The following KCNK13 variants were observed in gnomAD, a reference collection of about 807,000 sequenced individuals.
KCNK13 encodes the protein potassium two pore domain channel subfamily K member 13.
In KCNK13, 12 loss-of-function variants were observed where a neutral mutation model predicts 23.4. The observed-to-expected ratio is 0.51, with a 90% CI of 0.33 to 0.83. The LOEUF is 0.83. KCNK13 is among the 40% of genes least tolerant of loss of function. KCNK13 has a pLI of 0.02. For synonymous variants in KCNK13, 231 were observed against 229.5 expected (o/e 1.01, Z -0.06); for missense variants, 463 against 556.3 (o/e 0.83, Z 1.69).
chr14:90,139,826 A>G (rs1889982684), intron 1 of KCNK13, among the ~76,000 whole-genome samples: 2 of 152,098 alleles, frequency 1.3e-5, no homozygotes, highest in Admixed American at 1.3e-4. Context: ...GCCGGGCGTC[A>G]TGGCACACGC....
intron 1 of KCNK13, among the ~76,000 whole-genome samples, chr14:90,174,682 C>T (rs1890403516): frequency 6.6e-6 from 1 of 152,016 alleles, no homozygotes; most frequent in African/African-American, 2.4e-5. Flanking sequence ...AGTGAGACTT[C>T]ATCTCTACAA....
intron 1 of KCNK13, among the ~76,000 whole-genome samples, chr14:90,098,343 G>C (rs1440437964): frequency 6.6e-6 from 1 of 152,204 alleles, no homozygotes. Context: ...GTGAAGTTAA[G>C]TTAAAGTTTT....
At chr14:90,143,666 C>A (rs559794364) in intron 1 of KCNK13, among the ~76,000 whole-genome samples, 2 of 152,228 alleles carry the variant, frequency 1.3e-5, no homozygotes, top group African/African-American at 4.8e-5. Flanking sequence ...AAGAACAATT[C>A]ATGAATCAAG....
intron 1 of KCNK13, among the ~76,000 whole-genome samples, chr14:90,098,875 C>T (rs1388640205): frequency 1.3e-5 from 2 of 152,068 alleles, no homozygotes; most frequent in Non-Finnish European, 1.5e-5. Context: ...ATCAGGAGTT[C>T]AAGACCAGCC....
chr14:90,068,942 G>C (rs1307470465), intron 1 of KCNK13, among the ~76,000 whole-genome samples: 2 of 151,824 alleles, frequency 1.3e-5, no homozygotes, highest in Non-Finnish European at 2.9e-5. Flanking sequence ...CTGAGAAGAT[G>C]ACCCGGCTCA....
In KCNK13 at chr14:90,117,591, C is replaced by CA. The variant is rs960331680; in HGVS notation, c.334+55062dup. Among the ~76,000 whole-genome samples, 1,276 of 147,992 alleles carry CA rather than the reference C, an allele frequency of 8.6e-3. 25 individuals are homozygous for CA. Among genetic ancestry groups the CA allele is most frequent in the African/African-American group, 0.03 (1,211 of 40,372 alleles). On this transcript the variant is annotated intron_variant, in intron 1 of 1. Transcript: ENST00000282146. ...GGCGAGACAGAGCGAGACTCTGTCT[C>CA]AAAAAAAAAATTAGGAATTGTTTAT...
intron 1 of KCNK13, among the ~76,000 whole-genome samples, chr14:90,117,253 TGA>T (rs1889687307): frequency 1.3e-5 from 2 of 152,056 alleles, no homozygotes; most frequent in Non-Finnish European, 2.9e-5. Context: ...AGTGGGACAG[TGA>T]GAGGTCTCAT....
intron 1 of KCNK13, chr14:90,107,662 G>A (rs746377270): frequency 2.8e-5 from 19 of 682,524 alleles, no homozygotes; most frequent in Admixed American, 8.2e-5. Context: ...CAGGGGGACC[G>A]CAGCCTGTCA....
At chr14:90,111,919 C>A (rs540823235) in intron 1 of KCNK13, among the ~76,000 whole-genome samples, 2 of 152,162 alleles carry the variant, frequency 1.3e-5, no homozygotes, top group Non-Finnish European at 2.9e-5. Flanking sequence ...GGGCCACACT[C>A]CAGGCTCTTA....
intron 1 of KCNK13, among the ~76,000 whole-genome samples, chr14:90,142,467 C>T (rs546351252): frequency 1.3e-5 from 2 of 150,990 alleles, no homozygotes; most frequent in South Asian, 2.1e-4. Context: ...TACAGGTGCC[C>T]GCCACCATGC....
intron 1 of KCNK13, among the ~76,000 whole-genome samples, chr14:90,148,806 A>C (rs1221046322): frequency 6.6e-6 from 1 of 152,216 alleles, no homozygotes; most frequent in East Asian, 1.9e-4. Flanking sequence ...TCATCACTCA[A>C]CTTGTGAGAT....
chr14:90,165,367 G>A (rs1183891558), intron 1 of KCNK13, among the ~76,000 whole-genome samples: 1 of 152,132 alleles, frequency 6.6e-6, no homozygotes, highest in African/African-American at 2.4e-5. Flanking sequence ...TACACCAACG[G>A]CCACCTCTCC....
intron 1 of KCNK13, among the ~76,000 whole-genome samples, chr14:90,136,856 G>A (rs1277807022): frequency 1.3e-5 from 2 of 152,056 alleles, no homozygotes; most frequent in Admixed American, 1.3e-4. Flanking sequence ...ATAGCACTTT[G>A]GATGGCAAAA....
chr14:90,114,258 C>G (rs56244913), intron 1 of KCNK13, among the ~76,000 whole-genome samples: 8 of 152,046 alleles, frequency 5.3e-5, no homozygotes, highest in Non-Finnish European at 5.9e-5. Flanking sequence ...TATCTATACT[C>G]AGGCTCCAGA....
rs768298240 is a variant in KCNK13, at chr14:90,062,535, C to T, written c.330C>T (p.Thr110=). The T allele has an allele frequency of 6.6e-7, 1 of 1,503,888 alleles. No individual in the cohort carries two copies. The highest frequency in any genetic ancestry group is 2.5e-5 in the East Asian group (1 of 39,504). The allele number at this position is 1,503,888 out of a possible 1,614,324, so 93.2% of individuals were successfully genotyped here. The change falls in exon 1 of 2, where the codon ACC becomes ACT. Residue 110 remains threonine, a synonymous_variant. Coordinates refer to ENST00000282146, the MANE Select transcript of KCNK13 (RefSeq NM_022054.4). This position sits in a 1 kb window ranked among gnomAD's most constrained non-coding sequence, Gnocchi z 4.5. The part of the protein sequence containing the change: ...AFYFVGTVVS[T]IGFGMTTPAT... ...ACTTCGTGGGCACCGTCGTTTCCAC[C>T]ATAGGTAAGTGTGCTGGCCGGACTC... is the stretch of plus-strand genomic sequence containing the variant.
intron 1 of KCNK13, among the ~76,000 whole-genome samples, chr14:90,173,474 A>G (rs1890388031): frequency 6.6e-6 from 1 of 152,214 alleles, no homozygotes; most frequent in Non-Finnish European, 1.5e-5. Flanking sequence ...CATCAATTGC[A>G]TTCATAAGTG....
intron 1 of KCNK13, among the ~76,000 whole-genome samples, chr14:90,169,631 T>C (rs536893062): frequency 6.6e-6 from 1 of 152,324 alleles, no homozygotes; most frequent in South Asian, 2.1e-4. Flanking sequence ...CATAGAACTT[T>C]ATCTGCAGAC....
At chr14:90,100,386 A>G (rs1490369502) in intron 1 of KCNK13, among the ~76,000 whole-genome samples, 1 of 152,160 alleles carries the variant, frequency 6.6e-6, no homozygotes, top group South Asian at 2.1e-4. Flanking sequence ...CTGATTCTGC[A>G]TGAAATTACG....
At chr14:90,090,759 C>T (rs61124661) in intron 1 of KCNK13, among the ~76,000 whole-genome samples, 32 of 152,196 alleles carry the variant, frequency 2.1e-4, no homozygotes, top group African/African-American at 7.0e-4. Flanking sequence ...ATGCTATTCT[C>T]GTGATAGTGA....
Sources: allele counts gnomAD v4.1 joint callset (sites outside exome capture counted in the v4.1 genomes callset), GRCh38; gene constraint gnomAD v4.1.1; non-coding constraint Gnocchi (gnomAD v3.1); transcripts MANE v1.5; gene names NCBI Gene and HGNC (gene_info 2026-07-23, HGNC 2026-07-21).